The following RFWD3 variants were observed in gnomAD, a reference collection of about 807,000 sequenced individuals.
The protein encoded by RFWD3 is E3 ubiquitin-protein ligase RFWD3.
Under a neutral mutation model 87.7 loss-of-function variants are expected in RFWD3, and 65 were observed. The observed-to-expected ratio is 0.74, with a 90% CI of 0.61 to 0.91. The LOEUF (loss-of-function observed/expected upper bound fraction) is 0.91. Among genes scored for constraint, RFWD3 ranks in the 40% least tolerant of loss-of-function variants. RFWD3 has a pLI of 0.00. For synonymous variants in RFWD3, 433 were observed against 352.8 expected, an observed-to-expected ratio of 1.23 and a Z score of -2.55; for missense variants, 1,078 against 938.5, an observed-to-expected ratio of 1.15 and a Z score of -1.94.
At chr16:74,636,250 T>C in intron 8 of RFWD3, 96 bp downstream of exon 8, 8 of 1,083,626 alleles carry the variant, frequency 7.4e-6, no homozygotes, top group Non-Finnish European at 1.1e-5. Context: ...GAAAGGTGAT[T>C]TGGTAACCTT....
At chr16:74,658,454 G>A (rs1370989880) in intron 2 of RFWD3, among the ~76,000 whole-genome samples, 1 of 152,180 alleles carries the variant, frequency 6.6e-6, no homozygotes, top group East Asian at 1.9e-4. Flanking sequence ...TGTTCACCTT[G>A]GCCCAGGCTT....
In RFWD3 at chr16:74,622,601, A is replaced by C. The variant is rs1237130024; in HGVS notation, c.*1327T>G. ...AGAAAGATCCTAGAAACAGCTCTTG[A>C]ATTGACAGGTCAGAAGTGTTTTATA... On this transcript the variant is annotated 3_prime_UTR_variant, in exon 13 of 13. Transcript: ENST00000361070. The C allele has an allele frequency of 6.6e-6, 1 of 152,250 alleles. No homozygotes were observed. Among genetic ancestry groups the C allele is most frequent in the Non-Finnish European group, 1.5e-5 (1 of 68,046 alleles). 9.4% of individuals were successfully genotyped at this position (152,250 alleles called of 1,614,324 possible).
intron 3 of RFWD3, among the ~76,000 whole-genome samples, chr16:74,650,937 C>G (rs139399858): frequency 2.6e-5 from 4 of 151,868 alleles, no homozygotes; most frequent in Middle Eastern, 3.4e-3. Context: ...ATCTGATTGT[C>G]CAAAATACAG....
chr16:74,659,002 C>T (rs929642582), intron 2 of RFWD3, among the ~76,000 whole-genome samples: 5 of 152,242 alleles, frequency 3.3e-5, no homozygotes, highest in East Asian at 1.9e-4. Flanking sequence ...TAAAGGGATC[C>T]GCCTGCCTTG....
intron 2 of RFWD3, among the ~76,000 whole-genome samples, chr16:74,658,800 T>C (rs953757948): frequency 1.3e-5 from 2 of 150,236 alleles, no homozygotes; most frequent in Non-Finnish European, 3.0e-5. Context: ...AGAGAGTCAC[T>C]CTTGTCACCC....
Position 74,623,834 on chromosome 16 carries a change from C to CTG in RFWD3, c.*92_*93dup. On this transcript the variant is annotated 3_prime_UTR_variant, in exon 13 of 13. Transcript: ENST00000361070. ...AAACCATGATTCCCAATGTTCTAGA[C>CTG]TGCAGACAATAAACAGGGATCTTGC... The CTG allele has an allele frequency of 7.4e-7, 1 of 1,352,252 alleles. No individual in the cohort carries two copies. The highest frequency in any genetic ancestry group is 1.8e-5 in the Admixed American group (1 of 54,828). 83.8% of individuals were successfully genotyped at this position (1,352,252 alleles called of 1,614,324 possible). A position where few individuals can be genotyped will look rare whatever the true frequency, so the allele number is the denominator to read the frequency against.
At chr16:74,636,661 G>A (rs1032864186) in intron 7 of RFWD3, 84 bp from the exon 8 acceptor site, 1 of 1,028,954 alleles carries the variant, frequency 9.7e-7, no homozygotes, top group Non-Finnish European at 1.4e-6. Context: ...TTTACAGGAA[G>A]ATTTTTTATC....
At chr16:74,635,057 G>A (rs994511625) in intron 8 of RFWD3, among the ~76,000 whole-genome samples, 5 of 152,062 alleles carry the variant, frequency 3.3e-5, no homozygotes, top group African/African-American at 1.2e-4. Context: ...GAGGCGGGCG[G>A]ATCATGAGGT....
At chr16:74,663,732 A>G (rs1393600903) in intron 1 of RFWD3, among the ~76,000 whole-genome samples, 3 of 152,168 alleles carry the variant, frequency 2.0e-5, no homozygotes. Flanking sequence ...CATAAAGGAG[A>G]AACTGATGAT....
At chr16:74,641,211 G>T (rs1959615135) in intron 6 of RFWD3, among the ~76,000 whole-genome samples, 1 of 151,622 alleles carries the variant, frequency 6.6e-6, no homozygotes, top group Non-Finnish European at 1.5e-5. Context: ...TGCCCAAGCA[G>T]GAGTGCAATG....
At chr16:74,656,087 T>C (rs1013530488) in intron 2 of RFWD3, among the ~76,000 whole-genome samples, 6 of 152,114 alleles carry the variant, frequency 3.9e-5, no homozygotes, top group African/African-American at 7.2e-5. Context: ...CCAGACACAG[T>C]GGCTCACACC....
chr16:74,646,334 C>G (rs899801954), intron 4 of RFWD3, among the ~76,000 whole-genome samples: 4 of 152,156 alleles, frequency 2.6e-5, no homozygotes, highest in African/African-American at 9.7e-5. Flanking sequence ...TATGATTGTG[C>G]CACTGCACTC....
chr16:74,650,783 G>A (rs565432958), intron 3 of RFWD3, among the ~76,000 whole-genome samples: 1 of 152,126 alleles, frequency 6.6e-6, no homozygotes, highest in African/African-American at 2.4e-5. Flanking sequence ...TGGCTGAGGC[G>A]GGAGGATCGC....
intron 6 of RFWD3, 144 bp downstream of exon 6, chr16:74,644,218 A>G (rs1317514255): frequency 1.3e-6 from 1 of 777,192 alleles, no homozygotes. Flanking sequence ...ATAACAGTGT[A>G]AGACAGACTG....
intron 10 of RFWD3, 79 bp downstream of exon 10, chr16:74,630,702 C>G: frequency 2.4e-6 from 3 of 1,273,842 alleles, no homozygotes; most frequent in South Asian, 3.4e-5. Context: ...CTGTGGAACA[C>G]CCACTGAAGA....
At chr16:74,631,912 G>A (rs1411718699) in intron 9 of RFWD3, among the ~76,000 whole-genome samples, 3 of 152,056 alleles carry the variant, frequency 2.0e-5, no homozygotes, top group Non-Finnish European at 4.4e-5. Context: ...GAGCCACCAC[G>A]CCTGGTCTCC....
intron 12 of RFWD3, among the ~76,000 whole-genome samples, chr16:74,624,700 A>G (rs1002489344): frequency 1.3e-5 from 2 of 152,172 alleles, no homozygotes; most frequent in Admixed American, 1.3e-4. Context: ...TCTGGCCTCT[A>G]AAAATTTATT....
intron 3 of RFWD3, among the ~76,000 whole-genome samples, chr16:74,651,274 G>GA (rs1284787339): frequency 6.6e-6 from 1 of 152,258 alleles, no homozygotes; most frequent in East Asian, 1.9e-4. Flanking sequence ...ACTAGGACTT[G>GA]AAAGTGTCAG....
At position 74,661,463 on chromosome 16, in the gene RFWD3, G is replaced by A. The variant is rs765411085; in HGVS notation, c.-2-12C>T. 5.7e-6 allele frequency: 9 copies of A among 1,575,220 alleles called. No homozygotes were observed. In the East Asian group the frequency reaches 2.0e-4, roughly 35 times the overall value. On this transcript the variant is annotated splice_polypyrimidine_tract_variant and intron_variant, in intron 1 of 12. Transcript: ENST00000361070. ...TTCATGAGCCATCACTAGAGAAACA[G>A]TATTTGTAAAAAGTATTAATAAAAT...
Sources: allele counts gnomAD v4.1 joint callset (sites outside exome capture counted in the v4.1 genomes callset), GRCh38; gene constraint gnomAD v4.1.1; transcripts MANE v1.5; gene names NCBI Gene and HGNC (gene_info 2026-07-23, HGNC 2026-07-21).